RAB5A: variants seen among roughly 807,000 people sequenced by gnomAD.
The protein encoded by RAB5A is RAB5A, member RAS oncogene family.
In RAB5A, 8 loss-of-function variants were observed where a neutral mutation model predicts 25.7. The ratio of observed to expected loss-of-function variants is 0.31; its 90% CI spans 0.18 to 0.56. The LOEUF is 0.56. Among genes scored for constraint, RAB5A ranks in the 20% least tolerant of loss-of-function variants. RAB5A has a pLI of 0.91. For missense variants in RAB5A, 192 were observed against 259.7 expected, an observed-to-expected ratio of 0.74 and a Z score of 1.79; for synonymous variants, 98 against 89.8, an observed-to-expected ratio of 1.09 and a Z score of -0.52.
intron 4 of RAB5A, 112 bp from the exon 5 acceptor site, chr3:19,978,198 G>C: frequency 2.7e-6 from 2 of 747,516 alleles, no homozygotes; most frequent in South Asian, 3.0e-5. Context: ...ATGATTATAG[G>C]AATCAGGTTG....
chr3:19,952,973 C>T (rs1575066834), intron 2 of RAB5A, among the ~76,000 whole-genome samples: 1 of 151,900 alleles, frequency 6.6e-6, no homozygotes, highest in Non-Finnish European at 1.5e-5. Flanking sequence ...AAGCATTTCC[C>T]AAAGTATATG....
chr3:19,962,077 G>T lies in RAB5A; in HGVS notation c.163+11016G>T, dbSNP rs368483422. Reference sequence around the variant, plus strand: ...ATCCGGCAGTTGGTGCTGGCTATTGGTTGGGACCTCAGATGGGGCTGTTAG... The same window carrying T: ...ATCCGGCAGTTGGTGCTGGCTATTGTTTGGGACCTCAGATGGGGCTGTTAG... On this transcript the variant is annotated intron_variant, in intron 2 of 5. Transcript: ENST00000273047. Among the ~76,000 whole-genome samples the T allele has an allele frequency of 7.9e-5, 12 of 152,290 alleles. No homozygotes were observed. The East Asian group carries it at 2.1e-3, about 27-fold the overall frequency.
chr3:19,975,331 C>G (rs899209496), intron 2 of RAB5A, among the ~76,000 whole-genome samples: 7 of 152,008 alleles, frequency 4.6e-5, no homozygotes, highest in Non-Finnish European at 8.8e-5. Context: ...TACAAAGGCC[C>G]TATATGTAAG....
At chr3:19,967,334 A>AG (rs528737353) in intron 2 of RAB5A, among the ~76,000 whole-genome samples, 173 of 152,168 alleles carry the variant, frequency 1.1e-3, no homozygotes, top group South Asian at 9.3e-3. Flanking sequence ...TAATAGAGAC[A>AG]GGGTTTCGTC....
intron 3 of RAB5A, 91 bp from the exon 4 acceptor site, chr3:19,975,956 C>T (rs572100533): frequency 7.4e-6 from 11 of 1,486,334 alleles, no homozygotes; most frequent in African/African-American, 5.7e-5. Flanking sequence ...CCCACAGTCA[C>T]TTGGGACAGT....
At chr3:19,976,647 T>TG (rs1320843499) in intron 4 of RAB5A, among the ~76,000 whole-genome samples, 1 of 152,198 alleles carries the variant, frequency 6.6e-6, no homozygotes, top group Non-Finnish European at 1.5e-5. Context: ...ATCACACTAT[T>TG]GCACTCCAGC....
chr3:19,961,362 G>A (rs572809955), intron 2 of RAB5A, among the ~76,000 whole-genome samples: 17 of 152,266 alleles, frequency 1.1e-4, no homozygotes, highest in Admixed American at 5.2e-4. Flanking sequence ...GGAATGTACT[G>A]TGTATGTGTG....
chr3:19,967,177 G>T (rs1439920698), intron 2 of RAB5A, among the ~76,000 whole-genome samples: 1 of 148,362 alleles, frequency 6.7e-6, no homozygotes, highest in Non-Finnish European at 1.5e-5. Flanking sequence ...TGGAGTTTCA[G>T]TCTGCCGCCC....
rs142720209 is a variant in RAB5A at position 19,971,596 on chromosome 3, C to T, written c.164-4005C>T. Among the ~76,000 whole-genome samples the T allele has an allele frequency of 4.0e-3, 607 of 152,112 alleles. 5 individuals are homozygous for T. Among genetic ancestry groups the T allele is most frequent in the African/African-American group, 0.014 (579 of 41,480 alleles). ...AAGTGATTCTCCTGCCTCAGCCTTC[C>T]GAGTAGCTGGGGTTACAGGCATGCA... is the stretch of plus-strand genomic sequence containing the variant. On this transcript the variant is annotated intron_variant, in intron 2 of 5. Coordinates refer to ENST00000273047, the MANE Select transcript of RAB5A (RefSeq NM_004162.5).
chr3:19,954,993 G>C (rs1181253957), intron 2 of RAB5A, among the ~76,000 whole-genome samples: 1 of 152,158 alleles, frequency 6.6e-6, no homozygotes, highest in Non-Finnish European at 1.5e-5. Context: ...TCTAAAGTTA[G>C]CCCAGAGATT....
intron 2 of RAB5A, among the ~76,000 whole-genome samples, chr3:19,962,269 T>A (rs1175234999): frequency 2.0e-5 from 3 of 152,060 alleles, no homozygotes; most frequent in Admixed American, 2.0e-4. Flanking sequence ...TGCAGCTGCC[T>A]TAGAAAATAC....
intron 2 of RAB5A, chr3:19,970,835 G>A: frequency 3.3e-6 from 1 of 301,654 alleles, no homozygotes; most frequent in Non-Finnish European, 6.6e-6. Context: ...TAGGAGCACT[G>A]AGGATTTGAA....
intron 2 of RAB5A, among the ~76,000 whole-genome samples, chr3:19,974,964 G>A (rs868124527): frequency 3.3e-5 from 5 of 152,214 alleles, no homozygotes; most frequent in South Asian, 2.1e-4. Flanking sequence ...GGTGGCTTAC[G>A]CCTGTCATCC....
Position 19,978,419 on chromosome 3 carries a change from C to A in RAB5A, c.532+16C>A. The A allele has an allele frequency of 6.6e-7, 1 of 1,518,906 alleles. No individual in the cohort carries two copies. Among genetic ancestry groups the A allele is most frequent in the Non-Finnish European group, 9.1e-7 (1 of 1,098,724 alleles). 94.1% of individuals were successfully genotyped at this position (1,518,906 alleles called of 1,614,324 possible). A position where few individuals can be genotyped will look rare whatever the true frequency, so the allele number is the denominator to read the frequency against. On this transcript the variant is annotated intron_variant, in intron 5 of 5. Coordinates refer to ENST00000273047, the MANE Select transcript of RAB5A (RefSeq NM_004162.5). ...ATGGCAATAGGTAAGATTAATATCT[C>A]TTTTTAAATGATCAATATAAGCAAA...
intron 2 of RAB5A, among the ~76,000 whole-genome samples, chr3:19,966,512 T>C (rs1027631417): frequency 3.3e-5 from 5 of 152,078 alleles, no homozygotes; most frequent in African/African-American, 1.2e-4. Flanking sequence ...GTACAAAGAG[T>C]GTTTTAAGTT....
intron 2 of RAB5A, among the ~76,000 whole-genome samples, chr3:19,955,846 G>A (rs1027568796): frequency 1.3e-5 from 2 of 152,026 alleles, no homozygotes; most frequent in Admixed American, 1.3e-4. Context: ...GCAATGAGCC[G>A]AGATCATGCC....
At chr3:19,977,570 C>A (rs1696845795) in intron 4 of RAB5A, among the ~76,000 whole-genome samples, 1 of 152,164 alleles carries the variant, frequency 6.6e-6, no homozygotes, top group Admixed American at 6.5e-5. Context: ...ATTCTTAGGA[C>A]AACGATGTGA....
intron 2 of RAB5A, among the ~76,000 whole-genome samples, chr3:19,968,979 G>A (rs537333612): frequency 1.1e-4 from 17 of 150,814 alleles, no homozygotes; most frequent in African/African-American, 3.6e-4. Context: ...GGAGTTGTAC[G>A]AAATCACCAG....
At chr3:19,970,195 C>T (rs558840844) in intron 2 of RAB5A, among the ~76,000 whole-genome samples, 1 of 152,186 alleles carries the variant, frequency 6.6e-6, no homozygotes, top group Non-Finnish European at 1.5e-5. Context: ...CCACTATGCC[C>T]AGCCACTTTG....
Sources: allele counts gnomAD v4.1 joint callset (sites outside exome capture counted in the v4.1 genomes callset), GRCh38; gene constraint gnomAD v4.1.1; transcripts MANE v1.5; gene names NCBI Gene and HGNC (gene_info 2026-07-23, HGNC 2026-07-21).